The following CNTN3 variants were observed in gnomAD, a reference collection of about 807,000 sequenced individuals.
CNTN3 encodes the protein contactin 3.
Under a neutral mutation model 119.1 loss-of-function variants are expected in CNTN3, and 60 were observed. That is an observed-to-expected ratio of 0.50 (90% CI 0.41 to 0.62). The LOEUF is 0.62. CNTN3 is among the 20% of genes least tolerant of loss of function. The probability of loss-of-function intolerance (pLI) is 0.00; values close to 1 mark genes in which losing one functional copy is unlikely to be tolerated. For synonymous variants in CNTN3, 450 were observed against 438.7 expected (o/e 1.03, Z -0.32); for missense variants, 1,101 against 1,242.4 (o/e 0.89, Z 1.71).
At chr3:74,430,251 A>T (rs1216148445) in intron 4 of CNTN3, among the ~76,000 whole-genome samples, 1 of 152,174 alleles carries the variant, frequency 6.6e-6, no homozygotes, top group Non-Finnish European at 1.5e-5. Flanking sequence ...AGTTCCTTCA[A>T]TGTGTGAATG....
intron 4 of CNTN3, 30 bp downstream of exon 4, chr3:74,486,426 G>T: frequency 6.5e-7 from 1 of 1,547,110 alleles, no homozygotes; most frequent in South Asian, 1.2e-5. Flanking sequence ...TCTAATGTTG[G>T]ATTTGCTAGA....
intron 3 of CNTN3, among the ~76,000 whole-genome samples, chr3:74,488,957 T>C (rs928288313): frequency 6.6e-6 from 1 of 152,236 alleles, no homozygotes; most frequent in South Asian, 2.1e-4. Context: ...TGTGTCACTA[T>C]GTCTCATTTT....
intron 4 of CNTN3, among the ~76,000 whole-genome samples, chr3:74,466,151 C>A (rs916219226): frequency 6.6e-6 from 1 of 152,070 alleles, no homozygotes; most frequent in Admixed American, 6.6e-5. Context: ...AGGAGAGAAA[C>A]ATGGAGAAAA....
chr3:74,512,712 A>G (rs1045700764), intron 2 of CNTN3, among the ~76,000 whole-genome samples: 22 of 145,934 alleles, frequency 1.5e-4, no homozygotes, highest in Middle Eastern at 3.6e-3. Context: ...AAAAAAAAAA[A>G]AAAGAAAGAA....
intron 6 of CNTN3, among the ~76,000 whole-genome samples, chr3:74,370,643 G>T (rs541934482): frequency 6.6e-6 from 1 of 152,216 alleles, no homozygotes; most frequent in East Asian, 1.9e-4. Flanking sequence ...GCATTATGCT[G>T]TATCAGATAT....
intron 1 of CNTN3, among the ~76,000 whole-genome samples, chr3:74,583,115 C>CG (rs1704540504): frequency 6.6e-6 from 1 of 151,902 alleles, no homozygotes; most frequent in Non-Finnish European, 1.5e-5. Flanking sequence ...TGGGGCATAG[C>CG]GGCTGTCAGT....
chr3:74,363,889 A>C (rs1304850538), intron 10 of CNTN3, among the ~76,000 whole-genome samples: 4 of 151,794 alleles, frequency 2.6e-5, no homozygotes, highest in Non-Finnish European at 5.9e-5. Context: ...TTTTGCTTGG[A>C]TTTTCAATCA....
intron 3 of CNTN3, among the ~76,000 whole-genome samples, chr3:74,492,552 T>C (rs576239457): frequency 6.6e-6 from 1 of 152,304 alleles, no homozygotes; most frequent in South Asian, 2.1e-4. Context: ...CTGCATGCCC[T>C]GAGGCCAACA....
intron 1 of CNTN3, among the ~76,000 whole-genome samples, chr3:74,530,274 G>T (rs1374645484): frequency 1.3e-5 from 2 of 151,988 alleles, no homozygotes; most frequent in East Asian, 3.9e-4. Context: ...CCAATACTCA[G>T]CAGGTATTAC....
At chr3:74,412,255 G>A (rs2106872666) in intron 5 of CNTN3, among the ~76,000 whole-genome samples, 1 of 152,258 alleles carries the variant, frequency 6.6e-6, no homozygotes, top group Non-Finnish European at 1.5e-5. Context: ...ACTCTGTTGT[G>A]CTTAGCTGAC....
intron 1 of CNTN3, among the ~76,000 whole-genome samples, chr3:74,602,640 G>A (rs1187516905): frequency 6.6e-6 from 1 of 151,982 alleles, no homozygotes; most frequent in Non-Finnish European, 1.5e-5. Context: ...TCTTGTTAAG[G>A]GTGTGGATGT....
At chr3:74,364,212 G>T (rs1335634965) in intron 10 of CNTN3, among the ~76,000 whole-genome samples, 3 of 152,056 alleles carry the variant, frequency 2.0e-5, no homozygotes, top group African/African-American at 4.8e-5. Context: ...GGTGGATAAG[G>T]ATATCTTTTG....
chr3:74,323,881 T>A (rs1046111895), intron 13 of CNTN3, among the ~76,000 whole-genome samples: 1 of 150,376 alleles, frequency 6.6e-6, no homozygotes, highest in Non-Finnish European at 1.5e-5. Flanking sequence ...AGAGATGAGA[T>A]TTTTTTTAAA....
intron 5 of CNTN3, among the ~76,000 whole-genome samples, chr3:74,404,841 A>AT (rs1004365739): frequency 6.6e-6 from 1 of 151,926 alleles, no homozygotes; most frequent in African/African-American, 2.4e-5. Flanking sequence ...GATTATTGTG[A>AT]TTTTTTCATG....
intron 20 of CNTN3, among the ~76,000 whole-genome samples, chr3:74,274,255 G>A (rs1208160874): frequency 6.6e-6 from 1 of 151,988 alleles, no homozygotes; most frequent in African/African-American, 2.4e-5. Context: ...ATACTCTTGG[G>A]AGTTCTAGGG....
At chr3:74,495,996 T>C (rs1703056331) in intron 3 of CNTN3, among the ~76,000 whole-genome samples, 1 of 152,086 alleles carries the variant, frequency 6.6e-6, no homozygotes, top group South Asian at 2.1e-4. Context: ...CCTGGACATA[T>C]TCATCTGTAC....
rs1040602592 is a variant in CNTN3 at position 74,283,941 on chromosome 3, G to A, written c.2704+1364C>T. On this transcript the variant is annotated intron_variant, in intron 20 of 22. Transcript: ENST00000263665. ...ATCATGTTAAATTGTTACATTAGTC[G>A]GTTGCTTACAAATGGGTCTTGCTAT... Among the ~76,000 whole-genome samples the A allele has an allele frequency of 2.0e-5, 3 of 152,040 alleles. 1 individual carries two copies. Among genetic ancestry groups the A allele is most frequent in the Admixed American group, 6.5e-5 (1 of 15,270 alleles).
At chr3:74,329,258 T>C (rs1703204813) in intron 13 of CNTN3, among the ~76,000 whole-genome samples, 1 of 152,122 alleles carries the variant, frequency 6.6e-6, no homozygotes, top group South Asian at 2.1e-4. Context: ...TTGTGGGAAA[T>C]AAATCATATT....
chr3:74,320,941 G>T (rs1353605432), intron 13 of CNTN3, among the ~76,000 whole-genome samples: 2 of 150,176 alleles, frequency 1.3e-5, no homozygotes, highest in African/African-American at 4.9e-5. Flanking sequence ...ATAAATATAT[G>T]TTGAATTGAA....
Sources: gnomAD v4.1 joint callset for allele counts (sites outside exome capture counted in the v4.1 genomes callset) on GRCh38, gnomAD v4.1.1 for gene constraint, MANE v1.5 for transcripts, NCBI Gene and HGNC (gene_info 2026-07-23, HGNC 2026-07-21) for gene names.